Variants in C1QTNF7 observed in about 807,000 individuals in gnomAD.
C1QTNF7 encodes the protein C1q and TNF related 7, also known as complement C1q tumor necrosis factor-related protein 7.
Under a neutral mutation model 19.6 loss-of-function variants are expected in C1QTNF7, and 15 were observed. The observed-to-expected ratio is 0.76, with a 90% CI of 0.51 to 1.18. The LOEUF is 1.18. C1QTNF7 is among the 50% of genes most tolerant of loss of function. C1QTNF7 has a pLI of 0.00. For missense variants in C1QTNF7, 324 were observed against 359.7 expected, an observed-to-expected ratio of 0.90 and a Z score of 0.80; for synonymous variants, 142 against 137.5, an observed-to-expected ratio of 1.03 and a Z score of -0.23.
chr4:15,405,976 G>C (rs989706473), intron 1 of C1QTNF7, among the ~76,000 whole-genome samples: 2 of 152,098 alleles, frequency 1.3e-5, no homozygotes, highest in African/African-American at 4.8e-5. Context: ...TCACAACTTT[G>C]CATCATTTAG....
intron 1 of C1QTNF7, among the ~76,000 whole-genome samples, chr4:15,399,212 C>A (rs2108906080): frequency 6.6e-6 from 1 of 152,280 alleles, no homozygotes; most frequent in Non-Finnish European, 1.5e-5. Flanking sequence ...TGGGAAACTG[C>A]CCTTCCCTGG....
intron 1 of C1QTNF7, among the ~76,000 whole-genome samples, chr4:15,359,367 T>C (rs556907934): frequency 1.3e-5 from 2 of 152,284 alleles, no homozygotes; most frequent in South Asian, 2.1e-4. Flanking sequence ...ATTATGTTGT[T>C]GGCCCTAGGG....
At chr4:15,377,102 T>A (rs1321194445) in intron 1 of C1QTNF7, among the ~76,000 whole-genome samples, 1 of 152,222 alleles carries the variant, frequency 6.6e-6, no homozygotes, top group Non-Finnish European at 1.5e-5. Flanking sequence ...CCTTTGTTAA[T>A]AAATTATCTA....
At chr4:15,430,852 CA>C (rs1029382516) in intron 1 of C1QTNF7, among the ~76,000 whole-genome samples, 2 of 151,792 alleles carry the variant, frequency 1.3e-5, no homozygotes, top group African/African-American at 4.8e-5. Context: ...AAAAATGAAA[CA>C]AAAAAATTGA....
At chr4:15,383,910 G>C (rs1577248479) in intron 1 of C1QTNF7, among the ~76,000 whole-genome samples, 1 of 152,234 alleles carries the variant, frequency 6.6e-6, no homozygotes, top group Non-Finnish European at 1.5e-5. Flanking sequence ...CATTTGTGTA[G>C]GTTAAAAGCA....
At chr4:15,419,235 G>C (rs958468582) in intron 1 of C1QTNF7, among the ~76,000 whole-genome samples, 1 of 152,124 alleles carries the variant, frequency 6.6e-6, no homozygotes, top group South Asian at 2.1e-4. Flanking sequence ...TTCCATTTCT[G>C]GGAATCTATC....
chr4:15,383,202 C>T (rs757692707), intron 1 of C1QTNF7, among the ~76,000 whole-genome samples: 1 of 152,144 alleles, frequency 6.6e-6, no homozygotes, highest in Non-Finnish European at 1.5e-5. Context: ...TCCTTCTTGG[C>T]AATGGTAATA....
chr4:15,390,282 C>T (rs1004141521), intron 1 of C1QTNF7, among the ~76,000 whole-genome samples: 6 of 152,160 alleles, frequency 3.9e-5, no homozygotes, highest in Admixed American at 6.5e-5. Context: ...TCAATCCTTT[C>T]GACTGATTGA....
At chr4:15,426,315 G>A (rs1712046745), upstream of C1QTNF7, among the ~76,000 whole-genome samples, 2 of 152,140 alleles carry the variant, frequency 1.3e-5, no homozygotes, top group South Asian at 4.1e-4. Context: ...GCTTCTAAGT[G>A]TGAAAATAAC....
chr4:15,399,678 TG>T (rs1467829021), intron 1 of C1QTNF7, among the ~76,000 whole-genome samples: 1 of 152,220 alleles, frequency 6.6e-6, no homozygotes, highest in Non-Finnish European at 1.5e-5. Context: ...TCATTTTAAC[TG>T]TTAGCTTAAT....
intron 1 of C1QTNF7, among the ~76,000 whole-genome samples, chr4:15,401,611 A>G (rs1719000298): frequency 6.6e-6 from 1 of 152,254 alleles, no homozygotes; most frequent in African/African-American, 2.4e-5. Context: ...TAAATGATCC[A>G]CCACCAGAGA....
chr4:15,359,042 ACT>A (rs1717246582), intron 1 of C1QTNF7, among the ~76,000 whole-genome samples: 1 of 151,988 alleles, frequency 6.6e-6, no homozygotes, highest in African/African-American at 2.4e-5. Context: ...AGGGGCTTGG[ACT>A]CTCCTTTCCC....
chr4:15,425,864 G>C (rs1221947613), upstream of C1QTNF7, among the ~76,000 whole-genome samples: 2 of 152,114 alleles, frequency 1.3e-5, no homozygotes, highest in African/African-American at 4.8e-5. Flanking sequence ...GTGTATGTAT[G>C]TGTGTAGTGG....
intron 1 of C1QTNF7, among the ~76,000 whole-genome samples, chr4:15,377,943 T>C (rs775959943): frequency 6.6e-6 from 1 of 152,216 alleles, no homozygotes; most frequent in Non-Finnish European, 1.5e-5. Flanking sequence ...ACTGAGGACT[T>C]ATATGTCCTA....
chr4:15,374,657 A>G (rs1717861440), intron 1 of C1QTNF7: 10 of 985,224 alleles, frequency 1.0e-5, no homozygotes, highest in African/African-American at 1.7e-5. Flanking sequence ...TGAAGCCCCA[A>G]AGAATTATGA....
intron 1 of C1QTNF7, among the ~76,000 whole-genome samples, chr4:15,376,263 G>A (rs1031868254): frequency 4.6e-5 from 7 of 152,372 alleles, no homozygotes; most frequent in South Asian, 2.1e-4. Flanking sequence ...AGTGGACTGC[G>A]TAACGAAATA....
intron 1 of C1QTNF7, among the ~76,000 whole-genome samples, chr4:15,400,575 G>A (rs1024514466): frequency 2.0e-5 from 3 of 152,200 alleles, no homozygotes; most frequent in Non-Finnish European, 2.9e-5. Context: ...CATTGAAGCT[G>A]GTCAGTGTCC....
At chr4:15,360,988 A>C (rs1163288176) in intron 1 of C1QTNF7, among the ~76,000 whole-genome samples, 1 of 152,176 alleles carries the variant, frequency 6.6e-6, no homozygotes, top group African/African-American at 2.4e-5. Context: ...CAATTGATTG[A>C]ATTTAAGGAT....
intron 1 of C1QTNF7, among the ~76,000 whole-genome samples, chr4:15,420,830 T>TTTTTC (rs1487886473): frequency 7.2e-6 from 1 of 139,094 alleles, no homozygotes; most frequent in East Asian, 2.1e-4. Flanking sequence ...CTTTGTCTTT[T>TTTTTC]TTTTTTTTTT....
Sources: gnomAD v4.1 joint callset for allele counts (sites outside exome capture counted in the v4.1 genomes callset) on GRCh38, gnomAD v4.1.1 for gene constraint, MANE v1.5 for transcripts, NCBI Gene and HGNC (gene_info 2026-07-23, HGNC 2026-07-21) for gene names.